The following RASA1 variants were observed in gnomAD, a reference collection of about 807,000 sequenced individuals.
RASA1 encodes ras GTPase-activating protein 1.
In RASA1, 25 loss-of-function variants were observed where a neutral mutation model predicts 132.2. The ratio of observed to expected loss-of-function variants is 0.19; its 90% CI spans 0.14 to 0.26. RASA1 has a LOEUF of 0.26. RASA1 is among the 10% of genes least tolerant of loss of function. The pLI is 1.00. For missense variants in RASA1, 964 were observed against 1,299.2 expected (o/e 0.74, Z 3.97); for synonymous variants, 477 against 449.9 (o/e 1.06, Z -0.76).
chr5:87,331,010 C>CT, intron 1 of RASA1: 1 of 1,380,686 alleles, frequency 7.2e-7, no homozygotes, highest in Non-Finnish European at 9.5e-7. Flanking sequence ...TTCCATTTGT[C>CT]TATCTTTTAT....
chr5:87,390,685 G>A, intron 24 of RASA1, 115 bp from the exon 25 acceptor site: 1 of 800,968 alleles, frequency 1.2e-6, no homozygotes, highest in African/African-American at 1.7e-5. Flanking sequence ...GGGGAATTGT[G>A]GTAATATTTT....
chr5:87,325,962 G>GC (rs1002060064), intron 1 of RASA1, among the ~76,000 whole-genome samples: 5 of 151,984 alleles, frequency 3.3e-5, no homozygotes, highest in African/African-American at 1.2e-4. Context: ...ATATGCAGCA[G>GC]CCCCCCACCC....
intron 13 of RASA1, among the ~76,000 whole-genome samples, chr5:87,372,462 A>G (rs1473099426): frequency 6.6e-6 from 1 of 152,174 alleles, no homozygotes; most frequent in African/African-American, 2.4e-5. Context: ...TCTGTTGGGC[A>G]CTTAATTTTC....
intron 1 of RASA1, among the ~76,000 whole-genome samples, chr5:87,311,097 A>C (rs74493174): frequency 0.011 from 1,722 of 152,332 alleles, 23 homozygotes; most frequent in African/African-American, 0.039. Flanking sequence ...TCTTGAGAAA[A>C]AATAGTTATG....
chr5:87,333,239 T>G (rs1757725279), intron 3 of RASA1, 28 bp from the exon 4 acceptor site: 23 of 1,609,504 alleles, frequency 1.4e-5, no homozygotes, highest in Non-Finnish European at 1.8e-5. Context: ...ACTATCTTTT[T>G]AAATCTTTTT....
intron 9 of RASA1, among the ~76,000 whole-genome samples, chr5:87,353,698 A>G (rs1165528995): frequency 1.3e-5 from 2 of 152,256 alleles, no homozygotes; most frequent in South Asian, 2.1e-4. Context: ...TGAAAACTGT[A>G]TAGTAGTAAA....
chr5:87,312,456 A>G (rs1283405163), intron 1 of RASA1, among the ~76,000 whole-genome samples: 1 of 152,202 alleles, frequency 6.6e-6, no homozygotes, highest in Non-Finnish European at 1.5e-5. Context: ...ATTAATTTCT[A>G]AACATTTAAG....
rs542156549 is a variant in RASA1 at position 87,383,869 on chromosome 5, T to G, written c.2758+89T>G. The G allele has an allele frequency of 2.7e-5, 32 of 1,184,686 alleles. 1 individual carries two copies. The South Asian group carries it at 4.0e-4, about 15-fold the overall frequency. The allele number at this position is 1,184,686 out of a possible 1,614,324, so 73.4% of individuals were successfully genotyped here. A position where few individuals can be genotyped will look rare whatever the true frequency, so the allele number is the denominator to read the frequency against. ...AGAATACTCTTAAATCTTTTTTTTT[T>G]TTTTGATCATCCAATTCTAGTCATG... On this transcript the variant is annotated intron_variant, in intron 21 of 24. Coordinates refer to ENST00000274376, the MANE Select transcript of RASA1 (RefSeq NM_002890.3).
At position 87,333,256 on chromosome 5, in the gene RASA1, A is replaced by G. The variant is rs767105398; in HGVS notation, c.829-11A>G. The G allele has an allele frequency of 6.3e-7, 1 of 1,593,322 alleles. No individual in the cohort carries two copies. Among genetic ancestry groups the G allele is most frequent in the South Asian group, 1.1e-5 (1 of 87,836 alleles). On this transcript the variant is annotated splice_polypyrimidine_tract_variant and intron_variant, in intron 3 of 24. Coordinates refer to ENST00000274376, the MANE Select transcript of RASA1 (RefSeq NM_002890.3). Reference sequence around the variant, plus strand: ...TATCTTTTTAAATCTTTTTTTTTTTATGGTTTCTAGCCAGTAGAAGATAGA... The same window carrying G: ...TATCTTTTTAAATCTTTTTTTTTTTGTGGTTTCTAGCCAGTAGAAGATAGA...
Position 87,331,184 on chromosome 5 carries a change from T to G in RASA1, c.540-164T>G, listed in dbSNP as rs771976110. ...CAAGTAAATGAGTATTTTTTGAGAC[T>G]GAGGTTAAATTGAGTTAAAATTGGA... On this transcript the variant is annotated intron_variant, in intron 1 of 24. Transcript: ENST00000274376. The G allele has an allele frequency of 1.0e-5, 10 of 957,600 alleles. No individual in the cohort carries two copies. In the South Asian group the frequency reaches 1.1e-4, roughly 10 times the overall value. The allele number at this position is 957,600 out of a possible 1,614,324, so 59.3% of individuals were successfully genotyped here.
chr5:87,303,923 T>C (rs1396814505), intron 1 of RASA1, among the ~76,000 whole-genome samples: 1 of 148,668 alleles, frequency 6.7e-6, no homozygotes, highest in African/African-American at 2.5e-5. Flanking sequence ...AAACTGCACC[T>C]CCTGGGTTCA....
Position 87,369,807 on chromosome 5 carries a change from T to G in RASA1, c.1611-6T>G. 1 of 1,608,098 alleles carries G rather than the reference T, an allele frequency of 6.2e-7. No homozygotes were observed. The highest frequency in any genetic ancestry group is 8.5e-7 in the Non-Finnish European group (1 of 1,175,902). ...CTTCCTAATAATTTTTGTTTTTATTTTAAAGGCCAAACTGTTTTCAGATAG... is the reference window on the plus strand; with the variant it reads ...CTTCCTAATAATTTTTGTTTTTATTGTAAAGGCCAAACTGTTTTCAGATAG... On this transcript the variant is annotated splice_region_variant and splice_polypyrimidine_tract_variant and intron_variant, in intron 11 of 24. Coordinates refer to ENST00000274376, the MANE Select transcript of RASA1 (RefSeq NM_002890.3).
chr5:87,320,422 A>G (rs1405358091), intron 1 of RASA1, among the ~76,000 whole-genome samples: 1 of 152,190 alleles, frequency 6.6e-6, no homozygotes, highest in Non-Finnish European at 1.5e-5. Flanking sequence ...TATGAAGAAA[A>G]GGTTTAATTG....
chr5:87,282,461 A>G (rs1754359846), intron 1 of RASA1, among the ~76,000 whole-genome samples: 1 of 152,134 alleles, frequency 6.6e-6, no homozygotes, highest in Admixed American at 6.5e-5. Flanking sequence ...CCTATAAGGT[A>G]ATGTGTCTTT....
intron 1 of RASA1, among the ~76,000 whole-genome samples, chr5:87,286,351 CT>C (rs887039372): frequency 6.6e-5 from 10 of 151,962 alleles, no homozygotes; most frequent in African/African-American, 2.4e-4. Flanking sequence ...TGGTCTGTTA[CT>C]TTTTTCCCTT....
rs1011383896 is a variant in RASA1 at position 87,362,576 on chromosome 5, C to T, written c.1358C>T (p.Thr453Ile). ...MQDQEQVLND[T>I]VDGKEIYNTI... ...GATCAAGAACAAGTACTCAATGACACAGTGGATGGCAAGGAAATCTATAAT... is the reference window on the plus strand; with the variant it reads ...GATCAAGAACAAGTACTCAATGACATAGTGGATGGCAAGGAAATCTATAAT... The change falls in exon 10 of 25, where the codon ACA (threonine) becomes ATA (isoleucine). Residue 453 changes from threonine to isoleucine, a missense_variant. Thr to Ile is a moderately conservative substitution (Grantham distance 89). Around this residue, in one of 6 missense-constraint regions of RASA1, gnomAD observed 25 missense variants for 18.8 expected, o/e 1.33. Coordinates refer to ENST00000274376, the MANE Select transcript of RASA1 (RefSeq NM_002890.3). 1 of 1,594,478 alleles carries T rather than the reference C, an allele frequency of 6.3e-7. No homozygotes were observed. Among genetic ancestry groups the T allele is most frequent in the Non-Finnish European group, 8.6e-7 (1 of 1,162,386 alleles).
intron 4 of RASA1, among the ~76,000 whole-genome samples, chr5:87,334,669 G>A (rs1159365717): frequency 2.0e-5 from 3 of 152,296 alleles, no homozygotes; most frequent in Middle Eastern, 3.4e-3. Context: ...GCACAAAAGT[G>A]TACTGTATTC....
intron 1 of RASA1, among the ~76,000 whole-genome samples, chr5:87,280,885 T>A (rs1754288128): frequency 6.7e-6 from 1 of 150,020 alleles, no homozygotes; most frequent in Admixed American, 6.6e-5. Flanking sequence ...GCATCCCGAG[T>A]AGCTGGACTA....
In RASA1 at chr5:87,333,354, T is replaced by C. The variant is rs1323150832; in HGVS notation, c.899+17T>C. On this transcript the variant is annotated intron_variant, in intron 4 of 24. Coordinates refer to ENST00000274376, the MANE Select transcript of RASA1 (RefSeq NM_002890.3). Reference sequence around the variant, plus strand: ...TGAAATAAGGTATTTTATAATCTATTCTCATGTATAGGCATTTGAAAGAGC... The same window carrying C: ...TGAAATAAGGTATTTTATAATCTATCCTCATGTATAGGCATTTGAAAGAGC... 1 of 1,612,318 alleles carries C rather than the reference T, an allele frequency of 6.2e-7. No homozygotes were observed. Among genetic ancestry groups the C allele is most frequent in the Admixed American group, 1.7e-5 (1 of 59,912 alleles).
Sources: allele counts gnomAD v4.1 joint callset (sites outside exome capture counted in the v4.1 genomes callset), GRCh38; gene constraint gnomAD v4.1.1; regional missense constraint gnomAD v4.1.1; transcripts MANE v1.5; gene names NCBI Gene and HGNC (gene_info 2026-07-23, HGNC 2026-07-21).